The following RERE variants were observed in gnomAD, a reference collection of about 807,000 sequenced individuals.
The protein encoded by RERE is arginine-glutamic acid dipeptide repeats, also known as arginine-glutamic acid dipeptide repeats protein.
RERE carries 40 observed loss-of-function variants against 146.1 expected under a neutral mutation model. The observed-to-expected ratio is 0.27, with a 90% CI of 0.21 to 0.36. RERE has a LOEUF of 0.36. Ranked by LOEUF, RERE falls within the 10% of genes least tolerant of loss-of-function variation. The pLI, the probability that RERE is intolerant of heterozygous loss-of-function variation, is 1.00. For missense variants in RERE, 1,933 were observed against 2,138.7 expected, an observed-to-expected ratio of 0.90 and a Z score of 1.90; for synonymous variants, 1,003 against 866.0, an observed-to-expected ratio of 1.16 and a Z score of -2.78.
chr1:8,565,095 T>C (rs1179538686), intron 4 of RERE, among the ~76,000 whole-genome samples: 1 of 151,958 alleles, frequency 6.6e-6, no homozygotes, highest in African/African-American at 2.4e-5. Flanking sequence ...GAGCTAATGC[T>C]CAAAGGGTAC....
At chr1:8,672,052 T>A (rs1009525341) in intron 1 of RERE, among the ~76,000 whole-genome samples, 6 of 152,074 alleles carry the variant, frequency 3.9e-5, no homozygotes, top group Non-Finnish European at 8.8e-5. Context: ...GGCAGGAGGA[T>A]CATCACTACA....
chr1:8,518,242 C>A (rs1431896326), intron 7 of RERE, among the ~76,000 whole-genome samples: 2 of 152,194 alleles, frequency 1.3e-5, no homozygotes, highest in Non-Finnish European at 2.9e-5. Flanking sequence ...CAACTAAGGG[C>A]AAGAGCTGAC....
intron 4 of RERE, among the ~76,000 whole-genome samples, chr1:8,563,747 T>C (rs1268395202): frequency 6.6e-6 from 1 of 152,214 alleles, no homozygotes; most frequent in Non-Finnish European, 1.5e-5. Context: ...TAAGCCAATA[T>C]AGCCAACCAA....
Position 8,491,213 on chromosome 1 carries a change from G to C in RERE, c.1104+3850C>G, listed in dbSNP as rs1368281393. On this transcript the variant is annotated intron_variant, in intron 10 of 22. Transcript: ENST00000400908. ...CCCAGAACTTTGGGAGGCCAAGGCA[G>C]GTGAATCACCTGAGATCGGGAGTTC... 4.1e-5 allele frequency among the ~76,000 whole-genome samples: 6 copies of C among 147,822 alleles called. 1 individual carries two copies. The highest frequency in any genetic ancestry group is 1.3e-4 in the African/African-American group (5 of 37,290).
intron 1 of RERE, among the ~76,000 whole-genome samples, chr1:8,750,055 GACATGAGAA>G (rs1429640736): frequency 6.8e-6 from 1 of 146,456 alleles, no homozygotes; most frequent in Non-Finnish European, 1.5e-5. Context: ...GGGAGGCTAA[GACATGAGAA>G]TCGCTTGAAT....
Position 8,358,745 on chromosome 1 carries a change from C to T in RERE, c.3790G>A (p.Val1264Ile), listed in dbSNP as rs768149467. The T allele has an allele frequency of 4.4e-6, 7 of 1,609,102 alleles. No individual in the cohort carries two copies. Among genetic ancestry groups the T allele is most frequent in the South Asian group, 1.1e-5 (1 of 90,370 alleles). The change falls in exon 20 of 23, where the codon GTC (valine) becomes ATC (isoleucine). Residue 1264 changes from valine (V) to isoleucine (I), a missense_variant. By Grantham distance (29) the Val-to-Ile change is conservative. Around this residue, in one of 11 missense-constraint regions of RERE, gnomAD observed 1,255 missense variants for 1,153.8 expected, o/e 1.09. Transcript: ENST00000400908. ...RTLSEYARPHVMSPTNRNHPF... is the reference protein window; with the variant it reads ...RTLSEYARPHIMSPTNRNHPF... Reference sequence around the variant, plus strand: ...TGGTTGCGGTTGGTGGGCGACATGACGTGGGGCCGGGCGTACTCGCTCAGA... The same window carrying T: ...TGGTTGCGGTTGGTGGGCGACATGATGTGGGGCCGGGCGTACTCGCTCAGA...
intron 4 of RERE, among the ~76,000 whole-genome samples, chr1:8,596,275 C>G (rs919363590): frequency 1.3e-5 from 2 of 152,352 alleles, no homozygotes; most frequent in African/African-American, 4.8e-5. Context: ...TAGCTCTCCT[C>G]TAGAAACTGG....
rs532108525 is a variant in RERE, at chr1:8,735,422, A to G, written c.-144-78981T>C. On this transcript the variant is annotated intron_variant, in intron 1 of 22. Coordinates refer to ENST00000400908, the MANE Select transcript of RERE (RefSeq NM_001042681.2). ...ATGCATATACAGCATGCACACACAT[A>G]TATGTACATCTCTTTGTTACACAAA... is the stretch of plus-strand genomic sequence containing the variant. Among the ~76,000 whole-genome samples the G allele has an allele frequency of 8.5e-4, 129 of 152,352 alleles. 2 individuals are homozygous for G. The highest frequency in any genetic ancestry group is 3.4e-3 in the Middle Eastern group (1 of 294).
intron 9 of RERE, among the ~76,000 whole-genome samples, chr1:8,496,236 T>C (rs1357591598): frequency 1.3e-5 from 2 of 151,170 alleles, no homozygotes; most frequent in African/African-American, 4.9e-5. Context: ...CTCTACTGAA[T>C]GCCACCATGC....
chr1:8,575,849 T>C (rs1338453757), intron 4 of RERE, among the ~76,000 whole-genome samples: 1 of 151,950 alleles, frequency 6.6e-6, no homozygotes, highest in Non-Finnish European at 1.5e-5. Context: ...AGAAATACGA[T>C]ACAAATGAAA....
intron 4 of RERE, among the ~76,000 whole-genome samples, chr1:8,575,655 A>G (rs901719871): frequency 6.6e-6 from 1 of 150,864 alleles, no homozygotes; most frequent in Admixed American, 6.6e-5. Context: ...TCGGCCTCCA[A>G]AAGTGCTGGG....
chr1:8,498,768 C>CACACACAG (rs1282395845), intron 8 of RERE, among the ~76,000 whole-genome samples: 1 of 139,186 alleles, frequency 7.2e-6, no homozygotes, highest in Non-Finnish European at 1.5e-5. Context: ...CACACACACA[C>CACACACAG]ATATGTAGTT....
intron 1 of RERE, among the ~76,000 whole-genome samples, chr1:8,800,223 C>T (rs1332634539): frequency 1.3e-5 from 2 of 149,730 alleles, no homozygotes; most frequent in South Asian, 4.2e-4. Context: ...CACACCACTG[C>T]ACTCCAGCAT....
At chr1:8,592,523 C>T (rs996257368) in intron 4 of RERE, among the ~76,000 whole-genome samples, 3 of 152,018 alleles carry the variant, frequency 2.0e-5, no homozygotes, top group African/African-American at 7.2e-5. Context: ...CCACCCGCTT[C>T]GGCCTCCCAA....
rs181951651 is a variant in RERE at position 8,443,229 on chromosome 1, G to A, written c.1204-20422C>T. On this transcript the variant is annotated intron_variant, in intron 11 of 22. Transcript: ENST00000400908. ...TGTAATCCCAGCACTTTGAGAGGCC[G>A]CGGCGGGTGGATCATGAGGTCAGGA... is the stretch of plus-strand genomic sequence containing the variant. Among the ~76,000 whole-genome samples the A allele has an allele frequency of 4.2e-3, 643 of 152,222 alleles. 7 individuals are homozygous for A. Among genetic ancestry groups the A allele is most frequent in the African/African-American group, 0.014 (592 of 41,540 alleles).
intron 2 of RERE, among the ~76,000 whole-genome samples, chr1:8,625,219 G>C (rs1417306322): frequency 6.6e-6 from 1 of 152,090 alleles, no homozygotes; most frequent in African/African-American, 2.4e-5. Flanking sequence ...TCAGCCACCC[G>C]AAGTGTCAGG....
intron 7 of RERE, among the ~76,000 whole-genome samples, chr1:8,520,888 G>A (rs1320393102): frequency 1.3e-5 from 2 of 150,954 alleles, no homozygotes; most frequent in African/African-American, 4.9e-5. Context: ...GTATAACAAA[G>A]CTGAATGAAG....
At chr1:8,729,217 A>ATTTTTTT (rs1173630956) in intron 1 of RERE, among the ~76,000 whole-genome samples, 5 of 100,418 alleles carry the variant, frequency 5.0e-5, no homozygotes, top group Non-Finnish European at 7.7e-5. Context: ...AGCTACACCG[A>ATTTTTTT]TTTTTTTTTT....
intron 1 of RERE, among the ~76,000 whole-genome samples, chr1:8,782,866 A>G (rs977646292): frequency 6.6e-6 from 1 of 152,178 alleles, no homozygotes; most frequent in African/African-American, 2.4e-5. Flanking sequence ...AGACTGCGCC[A>G]CTACACTCCA....
Sources: gnomAD v4.1 joint callset for allele counts (sites outside exome capture counted in the v4.1 genomes callset) on GRCh38, gnomAD v4.1.1 for gene constraint, gnomAD v4.1.1 regional missense constraint, MANE v1.5 for transcripts, NCBI Gene and HGNC (gene_info 2026-07-23, HGNC 2026-07-21) for gene names.